The following SDHAF3 variants were observed in gnomAD, a reference collection of about 807,000 sequenced individuals.
The protein encoded by SDHAF3 is succinate dehydrogenase assembly factor 3, mitochondrial.
Under a neutral mutation model 11.5 loss-of-function variants are expected in SDHAF3, and 18 were observed. That is an observed-to-expected ratio of 1.56 (90% CI 1.08 to 2.32). The LOEUF is 2.32. Among genes scored for constraint, SDHAF3 ranks in the 30% most tolerant of loss-of-function variants. The pLI is 0.00. For missense variants in SDHAF3, 200 were observed against 154.4 expected (o/e 1.30, Z -1.57); for synonymous variants, 72 against 59.3 (o/e 1.21, Z -0.99).
chr7:97,180,208 A>ATATT (rs1789748601), intron 1 of SDHAF3, among the ~76,000 whole-genome samples: 1 of 152,214 alleles, frequency 6.6e-6, no homozygotes, highest in African/African-American at 2.4e-5. Context: ...TTTCTCTAGT[A>ATATT]TATTTTAAAT....
chr7:97,140,343 A>ATTTTTTT (rs67929691), intron 1 of SDHAF3, among the ~76,000 whole-genome samples: 5 of 112,448 alleles, frequency 4.4e-5, no homozygotes, highest in South Asian at 2.9e-4. Flanking sequence ...TTTTGGTAGT[A>ATTTTTTT]TTTTTTTTTT....
At position 97,179,718 on chromosome 7, in the gene SDHAF3, AC is replaced by A. The variant is rs551727512; in HGVS notation, c.175-1287del. 2.7e-3 allele frequency among the ~76,000 whole-genome samples: 365 copies of A among 137,194 alleles called. 1 individual carries two copies. The highest frequency in any genetic ancestry group is 9.8e-3 in the African/African-American group (358 of 36,396). 90.0% of individuals were successfully genotyped at this position (137,194 alleles called of 152,430 possible). ...CTCTCACTGACCCCTCCCCACCCCT[AC>A]CCCCCCTACACACACAAAATAGTGC... is the stretch of plus-strand genomic sequence containing the variant. On this transcript the variant is annotated intron_variant, in intron 1 of 1. Coordinates refer to ENST00000432641, the MANE Select transcript of SDHAF3 (RefSeq NM_020186.3).
At chr7:97,154,889 A>G (rs1789278949) in intron 1 of SDHAF3, among the ~76,000 whole-genome samples, 2 of 152,140 alleles carry the variant, frequency 1.3e-5, no homozygotes, top group Non-Finnish European at 2.9e-5. Context: ...TAATTTGTTA[A>G]AAGACTATTT....
intron 1 of SDHAF3, among the ~76,000 whole-genome samples, chr7:97,151,557 G>A (rs1007037454): frequency 1.3e-5 from 2 of 149,274 alleles, no homozygotes; most frequent in African/African-American, 5.0e-5. Context: ...GGAGTGCAGT[G>A]GCACAATCTC....
intron 1 of SDHAF3, among the ~76,000 whole-genome samples, chr7:97,177,420 T>C (rs1789694658): frequency 6.6e-6 from 1 of 152,032 alleles, no homozygotes; most frequent in Non-Finnish European, 1.5e-5. Context: ...GAGAATTGTG[T>C]GAACCCGGGA....
chr7:97,117,776 A>C lies in SDHAF3; in HGVS notation c.53A>C (p.Gln18Pro). ...CGGGCATTGTACAAGCGCGTCTTGC[A>C]GCTGCACCGTGTTCTGCCCCCGGAC... ...RVRALYKRVL[Q>P]LHRVLPPDLK... Residue 18 changes from glutamine to proline, a missense_variant, in exon 1 of 2, where the codon CAG (glutamine) becomes CCG (proline). Gln to Pro is a moderately conservative substitution (Grantham distance 76). Coordinates refer to ENST00000432641, the MANE Select transcript of SDHAF3 (RefSeq NM_020186.3). The C allele has an allele frequency of 1.2e-6, 2 of 1,614,192 alleles. No individual in the cohort carries two copies. The highest frequency in any genetic ancestry group is 8.5e-7 in the Non-Finnish European group (1 of 1,180,040).
At chr7:97,136,666 GT>G (rs1411030100) in intron 1 of SDHAF3, among the ~76,000 whole-genome samples, 3 of 152,078 alleles carry the variant, frequency 2.0e-5, no homozygotes, top group African/African-American at 4.8e-5. Flanking sequence ...TTATTCAGAA[GT>G]TTTTTTCTCT....
chr7:97,144,205 G>T (rs1166672909), intron 1 of SDHAF3, among the ~76,000 whole-genome samples: 1 of 151,852 alleles, frequency 6.6e-6, no homozygotes, highest in Non-Finnish European at 1.5e-5. Flanking sequence ...TTACTGATTT[G>T]TTTGAGTTCA....
intron 1 of SDHAF3, among the ~76,000 whole-genome samples, chr7:97,148,409 T>C (rs1789168823): frequency 6.6e-6 from 1 of 152,136 alleles, no homozygotes; most frequent in African/African-American, 2.4e-5. Context: ...TGACAGCTCA[T>C]GCCTGTAGGC....
intron 1 of SDHAF3, among the ~76,000 whole-genome samples, chr7:97,161,986 C>G (rs1456351712): frequency 6.6e-6 from 1 of 152,134 alleles, no homozygotes; most frequent in African/African-American, 2.4e-5. Flanking sequence ...ATTTCTAGTT[C>G]TAGATCCTTG....
intron 1 of SDHAF3, among the ~76,000 whole-genome samples, chr7:97,121,550 T>TA: frequency 6.6e-6 from 1 of 152,354 alleles, no homozygotes; most frequent in African/African-American, 2.4e-5. Context: ...TTTGATCACT[T>TA]ACTATTTCCA....
intron 1 of SDHAF3, among the ~76,000 whole-genome samples, chr7:97,172,391 T>A (rs1789614473): frequency 6.6e-6 from 1 of 152,188 alleles, no homozygotes; most frequent in Admixed American, 6.5e-5. Flanking sequence ...GCCTTCATAG[T>A]CCTGTTACTC....
intron 1 of SDHAF3, among the ~76,000 whole-genome samples, chr7:97,151,665 A>AT (rs918023564): frequency 1.3e-5 from 2 of 151,604 alleles, no homozygotes; most frequent in Non-Finnish European, 2.9e-5. Flanking sequence ...TGCCTGGCTA[A>AT]TTTTTTTGTA....
intron 1 of SDHAF3, among the ~76,000 whole-genome samples, chr7:97,177,928 T>G (rs1789707767): frequency 6.6e-6 from 1 of 152,200 alleles, no homozygotes; most frequent in Non-Finnish European, 1.5e-5. Context: ...CTCCATTGAT[T>G]GCCTCTTCTC....
intron 1 of SDHAF3, among the ~76,000 whole-genome samples, chr7:97,169,893 CTTT>C (rs570945805): frequency 3.8e-4 from 58 of 151,978 alleles, no homozygotes; most frequent in African/African-American, 1.3e-3. Flanking sequence ...TTTCAAAAGC[CTTT>C]TTTGAGTTTT....
chr7:97,119,784 A>G (rs1020300811), intron 1 of SDHAF3, among the ~76,000 whole-genome samples: 2 of 152,048 alleles, frequency 1.3e-5, no homozygotes, highest in Non-Finnish European at 2.9e-5. Context: ...GAAAAGTACT[A>G]GTCTGTTACT....
At chr7:97,137,183 T>G (rs1411389433) in intron 1 of SDHAF3, among the ~76,000 whole-genome samples, 2 of 152,138 alleles carry the variant, frequency 1.3e-5, no homozygotes, top group Non-Finnish European at 2.9e-5. Context: ...AGATTTACAT[T>G]GTCAGTCAAA....
Position 97,161,372 on chromosome 7 carries a change from C to T in SDHAF3, c.175-19640C>T, listed in dbSNP as rs181683364. 1.2e-3 allele frequency among the ~76,000 whole-genome samples: 187 copies of T among 152,290 alleles called. 3 individuals carry two copies. The highest frequency in any genetic ancestry group is 0.01 in the Admixed American group (157 of 15,300). Reference sequence around the variant, plus strand: ...CTATGGGACTCGACTTCACAATTAGCTGCTGTTTGGTTGGGATTACACAAA... The same window carrying T: ...CTATGGGACTCGACTTCACAATTAGTTGCTGTTTGGTTGGGATTACACAAA... On this transcript the variant is annotated intron_variant, in intron 1 of 1. Transcript: ENST00000432641.
intron 1 of SDHAF3, among the ~76,000 whole-genome samples, chr7:97,121,991 G>A (rs1388460625): frequency 2.6e-5 from 4 of 151,938 alleles, no homozygotes; most frequent in Non-Finnish European, 5.9e-5. Flanking sequence ...CTGAGTAGCT[G>A]GGACTACAGG....
Sources: gnomAD v4.1 joint callset for allele counts (sites outside exome capture counted in the v4.1 genomes callset) on GRCh38, gnomAD v4.1.1 for gene constraint, MANE v1.5 for transcripts, NCBI Gene and HGNC (gene_info 2026-07-23, HGNC 2026-07-21) for gene names.